The following BRWD1 variants were observed in gnomAD, a reference collection of about 807,000 sequenced individuals.
BRWD1 encodes bromodomain and WD repeat domain containing 1.
Under a neutral mutation model 251.2 loss-of-function variants are expected in BRWD1, and 82 were observed. The observed-to-expected ratio is 0.33, with a 90% confidence interval of 0.27 to 0.39. The LOEUF (loss-of-function observed/expected upper bound fraction) is 0.39, where lower values mean the gene tolerates loss of function less well. BRWD1 is among the 10% of genes least tolerant of loss of function. BRWD1 has a pLI of 1.00. For missense variants in BRWD1, 2,233 were observed against 2,711.6 expected (o/e 0.82, Z 3.92); for synonymous variants, 918 against 902.8 (o/e 1.02, Z -0.30).
intron 33 of BRWD1, among the ~76,000 whole-genome samples, chr21:39,213,169 C>T (rs1310664836): frequency 1.3e-5 from 2 of 152,126 alleles, no homozygotes; most frequent in Non-Finnish European, 2.9e-5. Flanking sequence ...CCTGCTAAAG[C>T]ACTGGAATTA....
intron 31 of BRWD1, chr21:39,216,546 G>T: frequency 5.6e-6 from 1 of 178,888 alleles, no homozygotes; most frequent in East Asian, 1.5e-4. Flanking sequence ...AGGCCTTACT[G>T]GAGACACTCA....
intron 27 of BRWD1, among the ~76,000 whole-genome samples, chr21:39,226,290 T>TAA (rs1223980548): frequency 6.6e-6 from 1 of 152,134 alleles, no homozygotes; most frequent in East Asian, 1.9e-4. Flanking sequence ...AAGAGAAGGA[T>TAA]AAAAATCCAC....
intron 15 of BRWD1, among the ~76,000 whole-genome samples, chr21:39,268,898 G>A (rs1320018152): frequency 1.3e-5 from 2 of 152,158 alleles, no homozygotes; most frequent in African/African-American, 4.8e-5. Flanking sequence ...TGAGGCAGGA[G>A]AATAGCGTGA....
rs1172221847 is a variant in BRWD1, at chr21:39,189,573, C to G, written c.*6686G>C. ...CCCAAGGGAGGGAGAATTTGAATTA[C>G]ACTGTACTCTAACTTGATAAAGCTG... On this transcript the variant is annotated 3_prime_UTR_variant, in exon 41 of 41. Transcript: ENST00000342449. 1.0e-6 allele frequency: 1 copy of G among 983,600 alleles called. No homozygotes were observed. Among genetic ancestry groups the G allele is most frequent in the Non-Finnish European group, 1.2e-6 (1 of 828,530 alleles). The allele number at this position is 983,600 out of a possible 1,614,324, so 60.9% of individuals were successfully genotyped here.
In BRWD1 at chr21:39,190,703, G is replaced by A. The variant is rs896565904; in HGVS notation, c.*5556C>T. ...AGTTTCCAAAAACATCCCATAAACTGAAGTACCCCAATGGCTGTAGAATAA... is the reference window on the plus strand; with the variant it reads ...AGTTTCCAAAAACATCCCATAAACTAAAGTACCCCAATGGCTGTAGAATAA... On this transcript the variant is annotated 3_prime_UTR_variant, in exon 41 of 41. Transcript: ENST00000342449. 1.0e-6 allele frequency: 1 copy of A among 985,200 alleles called. No homozygotes were observed. Among genetic ancestry groups the A allele is most frequent in the African/African-American group, 1.7e-5 (1 of 57,208 alleles). 61.0% of individuals were successfully genotyped at this position (985,200 alleles called of 1,614,324 possible).
intron 13 of BRWD1, among the ~76,000 whole-genome samples, chr21:39,273,071 T>C (rs1568938501): frequency 6.6e-6 from 1 of 152,236 alleles, no homozygotes; most frequent in Non-Finnish European, 1.5e-5. Flanking sequence ...TGAGAAGATA[T>C]TTTCTCATGA....
At chr21:39,217,051 T>TTATA (rs1192153828) in intron 31 of BRWD1, 2 of 21,198 alleles carry the variant, frequency 9.4e-5, no homozygotes, top group South Asian at 1.9e-3. Context: ...ATATATATAT[T>TTATA]TATATATATA....
intron 36 of BRWD1, 69 bp from the exon 37 acceptor site, chr21:39,206,343 C>T: frequency 8.5e-7 from 1 of 1,173,614 alleles, no homozygotes. Context: ...TAATTGTAAT[C>T]ATTGAGATCC....
At chr21:39,274,253 G>T in intron 13 of BRWD1, 121 bp downstream of exon 13, 1 of 732,960 alleles carries the variant, frequency 1.4e-6, no homozygotes, top group Non-Finnish European at 2.3e-6. Flanking sequence ...CTTCGTAATA[G>T]AAGGTAGCTA....
chr21:39,281,872 CAA>C lies in BRWD1; in HGVS notation c.832-1626_832-1625del, dbSNP rs34428135. ...AACACAGCAAGACTCCTTCACCTAC[CAA>C]AAAAAATATATATATATATGTATGT... On this transcript the variant is annotated intron_variant, in intron 8 of 40. Coordinates refer to ENST00000342449, the MANE Select transcript of BRWD1 (RefSeq NM_033656.4). Among the ~76,000 whole-genome samples, 231 of 104,162 alleles carry C rather than the reference CAA, an allele frequency of 2.2e-3. 1 individual carries two copies. The highest frequency in any genetic ancestry group is 5.0e-3 in the East Asian group (20 of 3,976). The allele number at this position is 104,162 out of a possible 152,430, so 68.3% of individuals were successfully genotyped here.
At chr21:39,274,147 CAT>C (rs1455643457) in intron 13 of BRWD1, among the ~76,000 whole-genome samples, 2 of 152,172 alleles carry the variant, frequency 1.3e-5, no homozygotes, top group African/African-American at 2.4e-5. Flanking sequence ...AGAAAAAGTA[CAT>C]GTTATTCTTT....
Position 39,265,053 on chromosome 21 carries a change from AT to A in BRWD1, c.1531-35del, listed in dbSNP as rs554565778. On this transcript the variant is annotated intron_variant, in intron 15 of 40. Transcript: ENST00000342449. The stretch of plus-strand genomic sequence containing the variant: ...CACAAAAGGAAAAAAGTTAGGACCA[AT>A]TCTATGCAAGTGATTTGCTATGTAA... The A allele has an allele frequency of 1.3e-4, 202 of 1,597,770 alleles. 3 individuals are homozygous for A. In the South Asian group the frequency reaches 1.8e-3, roughly 15 times the overall value.
At chr21:39,249,580 G>T (rs1003445179) in intron 20 of BRWD1, among the ~76,000 whole-genome samples, 1 of 152,168 alleles carries the variant, frequency 6.6e-6, no homozygotes, top group Non-Finnish European at 1.5e-5. Flanking sequence ...ATTACCCAAT[G>T]AGAGCACATA....
upstream of BRWD1, among the ~76,000 whole-genome samples, chr21:39,317,993 C>G (rs564333089): frequency 2.0e-5 from 3 of 152,242 alleles, no homozygotes; most frequent in Middle Eastern, 6.8e-3. Flanking sequence ...AAGGCTGTCA[C>G]AAGCTATGGT....
At chr21:39,245,402 A>G (rs1010838673) in intron 21 of BRWD1, among the ~76,000 whole-genome samples, 9 of 152,184 alleles carry the variant, frequency 5.9e-5, no homozygotes, top group African/African-American at 2.2e-4. Flanking sequence ...CATATTACAT[A>G]GGCAGAGGCA....
intron 36 of BRWD1, among the ~76,000 whole-genome samples, chr21:39,207,291 C>A (rs1229495728): frequency 6.6e-6 from 1 of 151,826 alleles, no homozygotes; most frequent in African/African-American, 2.4e-5. Context: ...AATAATTAGC[C>A]GGGCATGGTG....
chr21:39,186,884 G>A lies in BRWD1; in HGVS notation c.*9375C>T, dbSNP rs2031265468. On this transcript the variant is annotated 3_prime_UTR_variant, in exon 41 of 41. Transcript: ENST00000342449. The stretch of plus-strand genomic sequence containing the variant: ...TGTCTGTACAAGAGCTGACTGGGAG[G>A]AACCCACTGGATTATGGCTTTTAGA... 2 of 1,377,700 alleles carry A rather than the reference G, an allele frequency of 1.5e-6. No homozygotes were observed. The highest frequency in any genetic ancestry group is 1.9e-6 in the Non-Finnish European group (2 of 1,041,714). The allele number at this position is 1,377,700 out of a possible 1,614,324, so 85.3% of individuals were successfully genotyped here. A position where few individuals can be genotyped will look rare whatever the true frequency, so the allele number is the denominator to read the frequency against.
chr21:39,265,132 A>G, intron 15 of BRWD1, 113 bp from the exon 16 acceptor site: 1 of 1,235,536 alleles, frequency 8.1e-7, no homozygotes, highest in Non-Finnish European at 1.1e-6. Flanking sequence ...AAAAAAAAAA[A>G]AAAAGTTTCA....
intron 25 of BRWD1, among the ~76,000 whole-genome samples, chr21:39,231,261 T>C (rs1416852815): frequency 6.6e-6 from 1 of 152,240 alleles, no homozygotes; most frequent in Non-Finnish European, 1.5e-5. Flanking sequence ...GTTGTTCTTT[T>C]GATTGGCTGC....
Sources: gnomAD v4.1 joint callset for allele counts (sites outside exome capture counted in the v4.1 genomes callset) on GRCh38, gnomAD v4.1.1 for gene constraint, MANE v1.5 for transcripts, NCBI Gene and HGNC (gene_info 2026-07-23, HGNC 2026-07-21) for gene names.